The following KLHL8 variants were observed in gnomAD, a reference collection of about 807,000 sequenced individuals.
The protein encoded by KLHL8 is kelch-like protein 8.
KLHL8 carries 38 observed loss-of-function variants against 63.5 expected under a neutral mutation model. That is an observed-to-expected ratio of 0.60 (90% CI 0.46 to 0.78). The LOEUF is 0.78. Among genes scored for constraint, KLHL8 ranks in the 30% least tolerant of loss-of-function variants. KLHL8 has a pLI of 0.00. For missense variants in KLHL8, 566 were observed against 752.4 expected (o/e 0.75, Z 2.90); for synonymous variants, 224 against 254.3 (o/e 0.88, Z 1.13).
At chr4:87,226,528 T>C (rs1401604252) in intron 1 of KLHL8, among the ~76,000 whole-genome samples, 4 of 141,300 alleles carry the variant, frequency 2.8e-5, no homozygotes, top group Non-Finnish European at 3.0e-5. Flanking sequence ...CGCCACTGCA[T>C]TCCAGCCTGG....
intron 1 of KLHL8, among the ~76,000 whole-genome samples, chr4:87,209,944 TC>T (rs1364647272): frequency 6.7e-6 from 1 of 150,242 alleles, no homozygotes; most frequent in African/African-American, 2.5e-5. Flanking sequence ...ATCTCTGACT[TC>T]CGGGCTCAAG....
At chr4:87,218,967 C>T (rs1732710950) in intron 1 of KLHL8, among the ~76,000 whole-genome samples, 1 of 151,954 alleles carries the variant, frequency 6.6e-6, no homozygotes, top group Admixed American at 6.5e-5. Context: ...AAAATCCTGA[C>T]CTCAAGTGAT....
intron 1 of KLHL8, among the ~76,000 whole-genome samples, chr4:87,196,123 A>T (rs1731687323): frequency 6.6e-6 from 1 of 151,166 alleles, no homozygotes; most frequent in African/African-American, 2.4e-5. Flanking sequence ...CCATGAACTA[A>T]AAATCTTAAG....
intron 1 of KLHL8, among the ~76,000 whole-genome samples, chr4:87,210,018 G>A (rs907538088): frequency 6.6e-6 from 1 of 151,796 alleles, no homozygotes; most frequent in African/African-American, 2.4e-5. Flanking sequence ...CCTCCACACC[G>A]GGCTAATTTT....
chr4:87,187,395 C>CTT lies in KLHL8; in HGVS notation c.217-1598_217-1597dup, dbSNP rs772906955. 9.8e-5 allele frequency among the ~76,000 whole-genome samples: 13 copies of CTT among 132,164 alleles called. 1 individual carries two copies. Among genetic ancestry groups the CTT allele is most frequent in the Non-Finnish European group, 1.3e-4 (8 of 60,572 alleles). The allele number at this position is 132,164 out of a possible 152,430, so 86.7% of individuals were successfully genotyped here. A position where few individuals can be genotyped will look rare whatever the true frequency, so the allele number is the denominator to read the frequency against. The stretch of plus-strand genomic sequence containing the variant: ...AATTTGATGAATAAAAAGATCTCAT[C>CTT]TTTTTTTTTCTTTTTTGCTCTTAAG... On this transcript the variant is annotated intron_variant, in intron 2 of 9. Coordinates refer to ENST00000273963, the MANE Select transcript of KLHL8 (RefSeq NM_020803.5).
chr4:87,164,965 G>C lies in KLHL8; in HGVS notation c.1538-886C>G, dbSNP rs368665412. 5.9e-5 allele frequency among the ~76,000 whole-genome samples: 9 copies of C among 151,866 alleles called. No individual in the cohort carries two copies. The South Asian group carries it at 1.9e-3, about 32-fold the overall frequency. ...AGATCGAGACCATCCTGGCTAACAC[G>C]GTGAAACCCCGTCTCTACTAAAAAT... On this transcript the variant is annotated intron_variant, in intron 8 of 9. Coordinates refer to ENST00000273963, the MANE Select transcript of KLHL8 (RefSeq NM_020803.5).
chr4:87,189,653 A>G (rs1054915663), intron 2 of KLHL8, among the ~76,000 whole-genome samples: 5 of 152,104 alleles, frequency 3.3e-5, no homozygotes, highest in African/African-American at 1.2e-4. Flanking sequence ...CTTTCATTTC[A>G]ATAAATCTGT....
chr4:87,176,215 CATTATCTTTGCCACTGGCACTTGGG>C (rs879642167), intron 6 of KLHL8, among the ~76,000 whole-genome samples: 2 of 152,158 alleles, frequency 1.3e-5, no homozygotes, highest in Non-Finnish European at 2.9e-5. Flanking sequence ...TGGCATTTGG[CATTATCTTTGCCACTGGCACTTGGG>C]ATTATCTTTG....
chr4:87,167,037 G>A (rs1265918375), intron 8 of KLHL8: 3 of 239,158 alleles, frequency 1.3e-5, no homozygotes, highest in Non-Finnish European at 2.5e-5. Context: ...AGAGCAACGA[G>A]GCTGTGGCCC....
chr4:87,174,645 C>T lies in KLHL8; in HGVS notation c.1208+2112G>A, dbSNP rs539030958. Among the ~76,000 whole-genome samples, 12 of 152,254 alleles carry T rather than the reference C, an allele frequency of 7.9e-5. No individual in the cohort carries two copies. The East Asian group carries it at 2.3e-3, about 29-fold the overall frequency. On this transcript the variant is annotated intron_variant, in intron 6 of 9. Coordinates refer to ENST00000273963, the MANE Select transcript of KLHL8 (RefSeq NM_020803.5). Reference sequence around the variant, plus strand: ...CAATATTTACTAAGATAGCCCTCTTCTCTCTTCTCGCATTATATTTTCACT... The same window carrying T: ...CAATATTTACTAAGATAGCCCTCTTTTCTCTTCTCGCATTATATTTTCACT...
At chr4:87,195,270 T>C (rs1303969881) in intron 2 of KLHL8, 54 bp downstream of exon 2, 2 of 1,432,126 alleles carry the variant, frequency 1.4e-6, no homozygotes, top group Non-Finnish European at 1.9e-6. Flanking sequence ...GAAACCCCCA[T>C]TTCTCATATT....
At chr4:87,202,647 C>CT (rs1428077741) in intron 1 of KLHL8, among the ~76,000 whole-genome samples, 1 of 152,160 alleles carries the variant, frequency 6.6e-6, no homozygotes, top group African/African-American at 2.4e-5. Flanking sequence ...AAAAGACAAC[C>CT]TGAGCATTGC....
chr4:87,207,961 T>C, intron 1 of KLHL8: 1 of 809,176 alleles, frequency 1.2e-6, no homozygotes, highest in South Asian at 1.4e-5. Context: ...CACGCACTCT[T>C]CCACCTTCAA....
chr4:87,223,906 C>T (rs371069439), upstream of KLHL8, among the ~76,000 whole-genome samples: 8 of 152,226 alleles, frequency 5.3e-5, no homozygotes, highest in Middle Eastern at 3.4e-3. Context: ...ATAAGCAAGA[C>T]TAGCCTATAA....
chr4:87,178,386 C>A lies in KLHL8; in HGVS notation c.1096+91G>T, dbSNP rs929775712. On this transcript the variant is annotated intron_variant, in intron 5 of 9. Transcript: ENST00000273963. Reference sequence around the variant, plus strand: ...ATTTAAAAATAATTTACAATTTAGTCATTTTCTTATATAAAAATAAATTCT... The same window carrying A: ...ATTTAAAAATAATTTACAATTTAGTAATTTTCTTATATAAAAATAAATTCT... 7.7e-6 allele frequency: 10 copies of A among 1,295,572 alleles called. No individual in the cohort carries two copies. The Admixed American group carries it at 1.3e-4, about 17-fold the overall frequency. 80.3% of individuals were successfully genotyped at this position (1,295,572 alleles called of 1,614,324 possible). A position where few individuals can be genotyped will look rare whatever the true frequency, so the allele number is the denominator to read the frequency against.
rs760070920 is a variant in KLHL8 at position 87,170,588 on chromosome 4, T to C, written c.1236A>G (p.Gly412=). The C allele has an allele frequency of 1.1e-5, 18 of 1,612,424 alleles. No individual in the cohort carries two copies. Among genetic ancestry groups the C allele is most frequent in the Non-Finnish European group, 1.4e-5 (17 of 1,179,606 alleles). The part of the protein sequence containing the change: ...KRRGIALASL[G]GPIYAIGGLD... ...ACCCTCCAATTGCATAAATTGGGCCTCCTAAGGAAGCCAAGGCAATTCCTC... is the reference window on the plus strand; with the variant it reads ...ACCCTCCAATTGCATAAATTGGGCCCCCTAAGGAAGCCAAGGCAATTCCTC... The change falls in exon 7 of 10, where the codon GGA becomes GGG. Residue 412 remains glycine, a synonymous_variant. Transcript: ENST00000273963.
At chr4:87,218,601 TG>T (rs1295770392) in intron 1 of KLHL8, among the ~76,000 whole-genome samples, 42 of 152,240 alleles carry the variant, frequency 2.8e-4, no homozygotes, top group African/African-American at 8.0e-4. Flanking sequence ...TGTCAAAAAA[TG>T]TGCAATTATT....
At chr4:87,209,355 T>C (rs555910650) in intron 1 of KLHL8, among the ~76,000 whole-genome samples, 2 of 152,212 alleles carry the variant, frequency 1.3e-5, no homozygotes, top group South Asian at 2.1e-4. Flanking sequence ...TTCTATCACA[T>C]GTTGGCATAT....
intron 4 of KLHL8, among the ~76,000 whole-genome samples, chr4:87,180,048 C>T (rs1285636476): frequency 6.6e-6 from 1 of 152,192 alleles, no homozygotes; most frequent in Non-Finnish European, 1.5e-5. Flanking sequence ...GGCTACCTTA[C>T]AAGGTAAAAC....
Sources: gnomAD v4.1 joint callset for allele counts (sites outside exome capture counted in the v4.1 genomes callset) on GRCh38, gnomAD v4.1.1 for gene constraint, MANE v1.5 for transcripts, NCBI Gene and HGNC (gene_info 2026-07-23, HGNC 2026-07-21) for gene names.